ACVR2A: variants seen among roughly 807,000 people sequenced by gnomAD.
ACVR2A encodes activin receptor type-2A.
ACVR2A carries 7 observed loss-of-function variants against 61.4 expected under a neutral mutation model. That is an observed-to-expected ratio of 0.11 (90% CI 0.06 to 0.21). The LOEUF (loss-of-function observed/expected upper bound fraction) is 0.21. Ranked by LOEUF, ACVR2A falls within the 10% of genes least tolerant of loss-of-function variation. ACVR2A has a pLI of 1.00. For missense variants in ACVR2A, 322 were observed against 621.7 expected, an observed-to-expected ratio of 0.52 and a Z score of 5.13; for synonymous variants, 193 against 208.3, an observed-to-expected ratio of 0.93 and a Z score of 0.63.
chr2:147,869,523 A>G (rs1405453562), intron 1 of ACVR2A, among the ~76,000 whole-genome samples: 1 of 152,234 alleles, frequency 6.6e-6, no homozygotes, highest in African/African-American at 2.4e-5. Flanking sequence ...ATAGGGGAAT[A>G]ACATATAGGG....
rs1687579354 is a variant in ACVR2A at position 147,928,911 on chromosome 2, G to GTTAA, written c.*1640_*1643dup. 6.6e-6 allele frequency: 1 copy of GTTAA among 152,394 alleles called. No homozygotes were observed. Among genetic ancestry groups the GTTAA allele is most frequent in the African/African-American group, 2.4e-5 (1 of 41,416 alleles). The allele number at this position is 152,394 out of a possible 1,614,324, so 9.4% of individuals were successfully genotyped here. ...TCTGTCAGGTCATTTTAAAATCCAT[G>GTTAA]TTAATTTTATAAAAGAATTTTTTAC... On this transcript the variant is annotated 3_prime_UTR_variant, in exon 11 of 11. Transcript: ENST00000241416.
chr2:147,859,116 G>A (rs1685659934), intron 1 of ACVR2A, among the ~76,000 whole-genome samples: 1 of 152,016 alleles, frequency 6.6e-6, no homozygotes, highest in Admixed American at 6.5e-5. Context: ...CCACAATCCT[G>A]TTTTACTTCC....
chr2:147,870,637 G>A (rs530436239), intron 1 of ACVR2A, among the ~76,000 whole-genome samples: 4 of 152,210 alleles, frequency 2.6e-5, no homozygotes, highest in African/African-American at 4.8e-5. Flanking sequence ...GATAATTGTC[G>A]TGAGTCTTTT....
chr2:147,882,901 T>A (rs1686342376), intron 1 of ACVR2A, among the ~76,000 whole-genome samples: 1 of 147,166 alleles, frequency 6.8e-6, no homozygotes, highest in African/African-American at 2.5e-5. Context: ...GGGCTTAGTT[T>A]AAAAAAAAAA....
At chr2:147,879,456 GGGGTGAACATTTAAACCATA>G (rs1686241048) in intron 1 of ACVR2A, among the ~76,000 whole-genome samples, 1 of 152,172 alleles carries the variant, frequency 6.6e-6, no homozygotes, top group Non-Finnish European at 1.5e-5. Flanking sequence ...AATTTTGGAA[GGGGTGAACATTTAAACCATA>G]GCAAACTTTT....
intron 4 of ACVR2A, chr2:147,902,983 A>T (rs1346996679): frequency 6.6e-6 from 1 of 151,834 alleles, no homozygotes; most frequent in Non-Finnish European, 1.5e-5. Flanking sequence ...TGGCTAAAGG[A>T]TGGTTTGTGA....
intron 1 of ACVR2A, among the ~76,000 whole-genome samples, chr2:147,868,111 G>A (rs1402725542): frequency 1.3e-5 from 2 of 152,024 alleles, no homozygotes; most frequent in African/African-American, 2.4e-5. Flanking sequence ...TGTATTCTCC[G>A]TGAGTGGCTC....
At chr2:147,906,303 A>G (rs1686987562) in intron 4 of ACVR2A, among the ~76,000 whole-genome samples, 2 of 152,016 alleles carry the variant, frequency 1.3e-5, no homozygotes, top group South Asian at 2.1e-4. Context: ...CGCTCACTCA[A>G]TGCTTGATTG....
In ACVR2A at chr2:147,928,478, G is replaced by A. The variant is rs1164070131; in HGVS notation, c.*1204G>A. The A allele has an allele frequency of 1.3e-5, 2 of 151,944 alleles. No individual in the cohort carries two copies. The highest frequency in any genetic ancestry group is 2.9e-5 in the Non-Finnish European group (2 of 67,832). The allele number at this position is 151,944 out of a possible 1,614,324, so 9.4% of individuals were successfully genotyped here. ...TGTCAGAGTAATATTTGATGTCTGT[G>A]ATATGTAAAGAATTATCCTAGGATA... is the stretch of plus-strand genomic sequence containing the variant. On this transcript the variant is annotated 3_prime_UTR_variant, in exon 11 of 11. Transcript: ENST00000241416.
chr2:147,905,617 A>G (rs1286150409), intron 4 of ACVR2A, among the ~76,000 whole-genome samples: 1 of 151,950 alleles, frequency 6.6e-6, no homozygotes, highest in Non-Finnish European at 1.5e-5. Context: ...GCTACTATAG[A>G]TGTTGTTCTG....
At chr2:147,861,561 T>C (rs1432282526) in intron 1 of ACVR2A, among the ~76,000 whole-genome samples, 1 of 152,188 alleles carries the variant, frequency 6.6e-6, no homozygotes, top group African/African-American at 2.4e-5. Context: ...CGGAACATTT[T>C]GTGTGACAGC....
intron 1 of ACVR2A, among the ~76,000 whole-genome samples, chr2:147,849,161 C>T (rs1447594394): frequency 2.6e-5 from 4 of 152,088 alleles, no homozygotes; most frequent in Non-Finnish European, 5.9e-5. Context: ...ATAGAGTGCT[C>T]ATGAAGACTG....
At position 147,881,339 on chromosome 2, in the gene ACVR2A, A is replaced by G. The variant is rs931745981; in HGVS notation, c.56-14962A>G. Reference sequence around the variant, plus strand: ...CAACCAAATAATAACAATTTGAAGTATATTTCTTCCCAAAAAGATGTCAAG... The same window carrying G: ...CAACCAAATAATAACAATTTGAAGTGTATTTCTTCCCAAAAAGATGTCAAG... On this transcript the variant is annotated intron_variant, in intron 1 of 10. Coordinates refer to ENST00000241416, the MANE Select transcript of ACVR2A (RefSeq NM_001616.5). Among the ~76,000 whole-genome samples the G allele has an allele frequency of 2.0e-5, 3 of 152,170 alleles. 1 individual carries two copies. The highest frequency in any genetic ancestry group is 4.4e-5 in the Non-Finnish European group (3 of 68,024).
intron 2 of ACVR2A, among the ~76,000 whole-genome samples, chr2:147,898,578 C>A (rs1001638189): frequency 1.4e-4 from 21 of 151,990 alleles, no homozygotes; most frequent in African/African-American, 5.1e-4. Flanking sequence ...GAATTAAATT[C>A]TACCTTATTA....
At chr2:147,920,018 T>C (rs148640959) in intron 7 of ACVR2A, among the ~76,000 whole-genome samples, 170 of 152,234 alleles carry the variant, frequency 1.1e-3, no homozygotes, top group African/African-American at 3.9e-3. Flanking sequence ...TTCCTTCTTA[T>C]TGTCCATGTT....
At chr2:147,845,624 AT>A (rs1477573417) in intron 1 of ACVR2A, among the ~76,000 whole-genome samples, 1 of 152,154 alleles carries the variant, frequency 6.6e-6, no homozygotes, top group Non-Finnish European at 1.5e-5. Context: ...TCATCGTTTA[AT>A]TAGTGCTTCA....
intron 1 of ACVR2A, among the ~76,000 whole-genome samples, chr2:147,862,951 T>C (rs1344577618): frequency 1.3e-5 from 2 of 152,276 alleles, no homozygotes; most frequent in East Asian, 1.9e-4. Context: ...CCACCACTTA[T>C]AGCATGCTCC....
At position 147,899,482 on chromosome 2, in the gene ACVR2A, C is replaced by T. The variant is rs147822449; in HGVS notation, c.288C>T (p.Asp96=). Residue 96 remains aspartate (D), a synonymous_variant, in exon 3 of 11, where the codon GAC becomes GAT. Transcript: ENST00000241416. ...YDRTDCVEKK[D]SPEVYFCCCE... The stretch of plus-strand genomic sequence containing the variant: ...GGACTGATTGTGTAGAAAAAAAAGA[C>T]AGCCCTGAAGTATATTTTTGTTGCT... 16 of 1,610,316 alleles carry T rather than the reference C, an allele frequency of 9.9e-6. No individual in the cohort carries two copies. In the African/African-American group the frequency reaches 1.5e-4, roughly 15 times the overall value.
chr2:147,899,714 C>T (rs766052356), intron 3 of ACVR2A, 30 bp from the exon 4 acceptor site: 1 of 1,609,492 alleles, frequency 6.2e-7, no homozygotes, highest in African/African-American at 1.3e-5. Context: ...TAGACCAAAT[C>T]TGAGTTATTT....
Sources: gnomAD v4.1 joint callset for allele counts (sites outside exome capture counted in the v4.1 genomes callset) on GRCh38, gnomAD v4.1.1 for gene constraint, MANE v1.5 for transcripts, NCBI Gene and HGNC (gene_info 2026-07-23, HGNC 2026-07-21) for gene names.